The following AGRN variants were observed in gnomAD, a reference collection of about 807,000 sequenced individuals.
AGRN encodes the protein agrin proteoglycan.
In AGRN, 106 loss-of-function variants were observed where a neutral mutation model predicts 211.0. That is an observed-to-expected ratio of 0.50 (90% CI 0.43 to 0.59). The LOEUF (loss-of-function observed/expected upper bound fraction) is 0.59, where lower values mean the gene tolerates loss of function less well. Ranked by LOEUF, AGRN falls within the 20% of genes least tolerant of loss-of-function variation. AGRN has a pLI of 0.00. For synonymous variants in AGRN, 1,525 were observed against 1,332.5 expected, an observed-to-expected ratio of 1.14 and a Z score of -3.15; for missense variants, 3,040 against 2,982.6, an observed-to-expected ratio of 1.02 and a Z score of -0.45.
rs771963324 is a variant in AGRN at position 1,047,565 on chromosome 1, TG to T, written c.3517-7del. 466 of 1,612,734 alleles carry T rather than the reference TG, an allele frequency of 2.9e-4. No individual in the cohort carries two copies. The highest frequency in any genetic ancestry group is 3.8e-4 in the Non-Finnish European group (451 of 1,180,000). ...GCCCCCCAAGTCCTTGCCTACTCCC[TG>T]CCACAGCTGGACGACCTCTTCCGGA... On this transcript the variant is annotated splice_polypyrimidine_tract_variant and splice_region_variant and intron_variant, in intron 20 of 35. Coordinates refer to ENST00000379370, the MANE Select transcript of AGRN (RefSeq NM_198576.4).
Position 1,049,076 on chromosome 1 carries a change from CGG to C in AGRN, c.4298+20_4298+21del, listed in dbSNP as rs759046825. 1 of 1,053,970 alleles carries C rather than the reference CGG, an allele frequency of 9.5e-7. No individual in the cohort carries two copies. Among genetic ancestry groups the C allele is most frequent in the African/African-American group, 1.9e-5 (1 of 52,258 alleles). 65.3% of individuals were successfully genotyped at this position (1,053,970 alleles called of 1,614,324 possible). ...GCAGCTCAGGTGGGCGGGGAGGGGA[CGG>C]GGCCGGGGCAGCTCAGGTGGGCGGG... On this transcript the variant is annotated intron_variant, in intron 24 of 35. Transcript: ENST00000379370.
rs767369263 is a variant in AGRN at position 1,055,438 on chromosome 1, C to T, written c.*457C>T. 2 of 297,810 alleles carry T rather than the reference C, an allele frequency of 6.7e-6. No individual in the cohort carries two copies. Among genetic ancestry groups the T allele is most frequent in the African/African-American group, 2.2e-5 (1 of 45,596 alleles). The allele number at this position is 297,810 out of a possible 1,614,324, so 18.4% of individuals were successfully genotyped here. ...GTGTGTGCTCTGGGCCCTGCCTCGG[C>T]CTCCTGCGCCAATACTGTGACTTCC... On this transcript the variant is annotated 3_prime_UTR_variant, in exon 36 of 36. Coordinates refer to ENST00000379370, the MANE Select transcript of AGRN (RefSeq NM_198576.4).
In AGRN at chr1:1,044,331, C is replaced by T; in HGVS notation, c.2149-3C>T. On this transcript the variant is annotated splice_polypyrimidine_tract_variant and splice_region_variant and intron_variant, in intron 11 of 35. Coordinates refer to ENST00000379370, the MANE Select transcript of AGRN (RefSeq NM_198576.4). ...GGCCGCTCACACTGACACCACCCTC[C>T]AGGTGTGCGGCTCAGATGGGGTCAC... The T allele has an allele frequency of 1.2e-6, 2 of 1,612,698 alleles. No homozygotes were observed. Among genetic ancestry groups the T allele is most frequent in the Non-Finnish European group, 1.7e-6 (2 of 1,179,822 alleles).
chr1:1,025,495 C>T (rs1644500537), intron 2 of AGRN, among the ~76,000 whole-genome samples: 1 of 152,098 alleles, frequency 6.6e-6, no homozygotes, highest in African/African-American at 2.4e-5. Flanking sequence ...TGCAGGAGGA[C>T]CTCCCATAGG....
chr1:1,034,060 C>A (rs1447413166), intron 2 of AGRN: 1 of 940,582 alleles, frequency 1.1e-6, no homozygotes, highest in Non-Finnish European at 1.3e-6. Context: ...GCGGCCTCCG[C>A]AGGCGGCGCT....
intron 2 of AGRN, among the ~76,000 whole-genome samples, chr1:1,023,361 A>C (rs1644453037): frequency 6.6e-6 from 1 of 151,762 alleles, no homozygotes; most frequent in Non-Finnish European, 1.5e-5. Flanking sequence ...ATGCAGGGGG[A>C]GGGGCAGCAC....
chr1:1,039,540 C>T (rs1156336686), intron 3 of AGRN, among the ~76,000 whole-genome samples: 1 of 152,002 alleles, frequency 6.6e-6, no homozygotes, highest in Non-Finnish European at 1.5e-5. Context: ...ACAGCTGCAG[C>T]CGCTAACGGA....
intron 2 of AGRN, among the ~76,000 whole-genome samples, chr1:1,033,413 C>G (rs1201729194): frequency 6.6e-6 from 1 of 151,568 alleles, no homozygotes; most frequent in Non-Finnish European, 1.5e-5. Context: ...GAGCCCCCTG[C>G]GGCGACTCCG....
rs1557701332 is a variant in AGRN at position 1,041,586 on chromosome 1, C to CGCCA, written c.1063_1066dup (p.Val356AlafsTer68). The CGCCA allele has an allele frequency of 6.2e-7, 1 of 1,610,900 alleles. No individual in the cohort carries two copies. The highest frequency in any genetic ancestry group is 8.5e-7 in the Non-Finnish European group (1 of 1,179,360). On this transcript the variant is annotated frameshift_variant, in exon 6 of 36. Coordinates refer to ENST00000379370, the MANE Select transcript of AGRN (RefSeq NM_198576.4). LOFTEE classifies it high-confidence loss of function. ...CCCGAGAGCTGCCCTGCCCGGCAGGCGCCAGTGTGTGGGGACGACGGAGTC... is the reference window on the plus strand; with the variant it reads ...CCCGAGAGCTGCCCTGCCCGGCAGGCGCCAGCCAGTGTGTGGGGACGACGGAGTC...
chr1:1,024,455 C>G (rs1644475696), intron 2 of AGRN, among the ~76,000 whole-genome samples: 2 of 152,074 alleles, frequency 1.3e-5, no homozygotes, highest in Non-Finnish European at 2.9e-5. Flanking sequence ...CTCTCCCCAT[C>G]TGACTCCGAC....
At position 1,048,025 on chromosome 1, in the gene AGRN, G is replaced by A. The variant is rs149490453; in HGVS notation, c.3765G>A (p.Ala1255=). ...CTGTGCCGGCAGACTGGTTTCCTGC[G>A]TTTATCACGGGGGCCACGTCAGGAG... ...VRFMDFDWFP[A]FITGATSGAI... Residue 1255 remains alanine (A), a synonymous_variant, in exon 23 of 36, where the codon GCG becomes GCA. Coordinates refer to ENST00000379370, the MANE Select transcript of AGRN (RefSeq NM_198576.4). The surrounding 1 kb of genome is among the most constrained non-coding windows in gnomAD (Gnocchi z 5.9). 776 of 1,584,542 alleles carry A rather than the reference G, an allele frequency of 4.9e-4. No homozygotes were observed. Among genetic ancestry groups the A allele is most frequent in the African/African-American group, 3.0e-3 (227 of 74,504 alleles).
At position 1,050,243 on chromosome 1, in the gene AGRN, G is replaced by C; in HGVS notation, c.4890G>C (p.Gln1630His). 1 of 1,613,162 alleles carries C rather than the reference G, an allele frequency of 6.2e-7. No homozygotes were observed. The highest frequency in any genetic ancestry group is 8.5e-7 in the Non-Finnish European group (1 of 1,179,960). The change falls in exon 28 of 36, where the codon CAG becomes CAC. Residue 1630 changes from glutamine (Q) to histidine (H), a missense_variant. This residue lies in a region of AGRN where 1,537 missense variants were observed against 1,505.0 expected (regional missense o/e 1.02). Coordinates refer to ENST00000379370, the MANE Select transcript of AGRN (RefSeq NM_198576.4). ...TGACTCTCCCTACAGCCTCGGGGCA[G>C]GACGGCTCTGGGCCCTTCCTGGCTG... ...EGTFCQTASG[Q>H]DGSGPFLADF...
At position 1,050,221 on chromosome 1, in the gene AGRN, C is replaced by T. The variant is rs754594618; in HGVS notation, c.4880-12C>T. 4 of 1,612,938 alleles carry T rather than the reference C, an allele frequency of 2.5e-6. No homozygotes were observed. In the Admixed American group the frequency reaches 6.7e-5, roughly 27 times the overall value. On this transcript the variant is annotated splice_polypyrimidine_tract_variant and intron_variant, in intron 27 of 35. Transcript: ENST00000379370. ...GGGGTCAGGACTGAGGCCTTGGTGA[C>T]TCTCCCTACAGCCTCGGGGCAGGAC...
At chr1:1,041,878 C>T (rs981350883) in intron 6 of AGRN, 78 bp from the exon 7 acceptor site, 27 of 1,589,586 alleles carry the variant, frequency 1.7e-5, no homozygotes, top group Non-Finnish European at 2.1e-5. Context: ...CCGCCTGCTC[C>T]CCTGCTCCCT....
chr1:1,035,053 G>A (rs1332439704), intron 2 of AGRN: 2 of 634,294 alleles, frequency 3.2e-6, no homozygotes, highest in Non-Finnish European at 2.8e-6. Context: ...CAGGGGTCAG[G>A]CCATGACTAT....
rs559087059 is a variant in AGRN, at chr1:1,047,972, C to T, written c.3752-40C>T. ...CCCCTGCCCCTCACCCCTTCCTGGC[C>T]CTGCTCCCAGGAAACCCTAACAGCT... On this transcript the variant is annotated intron_variant, in intron 22 of 35. Transcript: ENST00000379370. 14 of 1,571,014 alleles carry T rather than the reference C, an allele frequency of 8.9e-6. 1 individual carries two copies. In the East Asian group the frequency reaches 3.3e-4, roughly 37 times the overall value.
intron 2 of AGRN, among the ~76,000 whole-genome samples, chr1:1,024,697 C>G (rs2100570908): frequency 6.6e-6 from 1 of 152,290 alleles, no homozygotes; most frequent in Non-Finnish European, 1.5e-5. Flanking sequence ...ACTTCCTTTC[C>G]TCAGTTTCTC....
intron 33 of AGRN, chr1:1,052,450 G>A (rs1002063212): frequency 3.7e-5 from 11 of 293,466 alleles, no homozygotes; most frequent in East Asian, 1.9e-4. Context: ...GTGACTATGC[G>A]GCCGTGTGTG....
At chr1:1,034,955 C>T (rs1644765652) in intron 2 of AGRN, 2 of 477,002 alleles carry the variant, frequency 4.2e-6, no homozygotes, top group Non-Finnish European at 7.6e-6. Flanking sequence ...CACTGAGAGC[C>T]GGCAGTTGGG....
Sources: gnomAD v4.1 joint callset for allele counts (sites outside exome capture counted in the v4.1 genomes callset) on GRCh38, gnomAD v4.1.1 for gene constraint, gnomAD v4.1.1 regional missense constraint, Gnocchi (gnomAD v3.1) non-coding constraint, MANE v1.5 for transcripts, NCBI Gene and HGNC (gene_info 2026-07-23, HGNC 2026-07-21) for gene names.